TRPM3: variants seen among roughly 807,000 people sequenced by gnomAD.
TRPM3 encodes the protein long transient receptor potential channel 3.
A neutral mutation model predicts 181.2 loss-of-function variants in TRPM3; 77 were observed. The ratio of observed to expected loss-of-function variants is 0.42; its 90% confidence interval spans 0.35 to 0.51. The LOEUF (loss-of-function observed/expected upper bound fraction) is 0.51. Among genes scored for constraint, TRPM3 ranks in the 20% least tolerant of loss-of-function variants. The pLI is 0.01. For synonymous variants in TRPM3, 745 were observed against 796.4 expected, an observed-to-expected ratio of 0.94 and a Z score of 1.09; for missense variants, 1,759 against 2,196.7, an observed-to-expected ratio of 0.80 and a Z score of 3.98.
intron 1 of TRPM3, among the ~76,000 whole-genome samples, chr9:71,356,996 T>A (rs994939885): frequency 1.3e-5 from 2 of 152,162 alleles, no homozygotes; most frequent in Non-Finnish European, 2.9e-5. Context: ...TCATGTAACA[T>A]GGCTCCTGTC....
intron 21 of TRPM3, among the ~76,000 whole-genome samples, chr9:70,595,619 C>G (rs931358300): frequency 1.3e-5 from 2 of 152,158 alleles, no homozygotes; most frequent in African/African-American, 4.8e-5. Flanking sequence ...TTGAGAATCT[C>G]ATGAAAGCTT....
chr9:70,965,368 C>A (rs183714324), intron 1 of TRPM3, among the ~76,000 whole-genome samples: 12 of 152,060 alleles, frequency 7.9e-5, no homozygotes, highest in African/African-American at 1.9e-4. Flanking sequence ...TTTATCCCCC[C>A]CTTTTTGAAC....
chr9:71,071,028 G>C lies in TRPM3; in HGVS notation c.177+50150C>G, dbSNP rs543708513. Among the ~76,000 whole-genome samples, 12 of 152,304 alleles carry C rather than the reference G, an allele frequency of 7.9e-5. 1 individual carries two copies. The South Asian group carries it at 1.2e-3, about 16-fold the overall frequency. ...ATCATAGAGGGCATGGGAGCCTGGT[G>C]ACCTTCAATCTAGTGGACAGCAAGG... On this transcript the variant is annotated intron_variant, in intron 1 of 25. Coordinates refer to ENST00000677713, the MANE Select transcript of TRPM3 (RefSeq NM_001366145.2).
At chr9:71,232,067 T>G (rs1015422137) in intron 1 of TRPM3, among the ~76,000 whole-genome samples, 142 of 152,318 alleles carry the variant, frequency 9.3e-4, no homozygotes, top group African/African-American at 3.2e-3. Flanking sequence ...TGCCTTCTAG[T>G]TATAAACTAC....
chr9:70,558,214 A>G (rs1034048902), intron 22 of TRPM3, among the ~76,000 whole-genome samples: 2 of 152,234 alleles, frequency 1.3e-5, no homozygotes, highest in East Asian at 3.9e-4. Context: ...CACAGAGAAC[A>G]GAAACTGATT....
At chr9:70,909,233 A>C (rs916324731) in intron 1 of TRPM3, among the ~76,000 whole-genome samples, 11 of 152,222 alleles carry the variant, frequency 7.2e-5, no homozygotes, top group Non-Finnish European at 1.6e-4. Context: ...GAGTATCCTG[A>C]GGGCAGGGAA....
intron 1 of TRPM3, among the ~76,000 whole-genome samples, chr9:71,428,372 A>G (rs2093904505): frequency 6.6e-6 from 1 of 151,580 alleles, no homozygotes; most frequent in South Asian, 2.1e-4. Context: ...CTGGGATTAC[A>G]GGCGTGAGCC....
chr9:71,403,906 G>T (rs1212722983), intron 1 of TRPM3, among the ~76,000 whole-genome samples: 3 of 152,066 alleles, frequency 2.0e-5, no homozygotes, highest in African/African-American at 7.3e-5. Context: ...CAGAGGATGT[G>T]GACAAGTTGG....
In TRPM3 at chr9:71,420,763, GAGAA is replaced by G. The variant is rs1304515030; in HGVS notation, c.183+25886_183+25889del. ...AGAGAGAGAAAGAGAGAGAAAGAGA[GAGAA>G]AGAGAGAGAAAGAGAGAGAAAGAGA... On this transcript the variant is annotated intron_variant, in intron 1 of 24. Transcript: ENST00000357533. Among the ~76,000 whole-genome samples, 101 of 109,300 alleles carry G rather than the reference GAGAA, an allele frequency of 9.2e-4. 4 individuals are homozygous for G. Among genetic ancestry groups the G allele is most frequent in the Middle Eastern group, 5.2e-3 (1 of 192 alleles). The allele number at this position is 109,300 out of a possible 152,430, so 71.7% of individuals were successfully genotyped here. A position where few individuals can be genotyped will look rare whatever the true frequency, so the allele number is the denominator to read the frequency against.
At chr9:71,164,077 C>T (rs1466253034) in intron 1 of TRPM3, among the ~76,000 whole-genome samples, 2 of 152,078 alleles carry the variant, frequency 1.3e-5, no homozygotes, top group African/African-American at 4.8e-5. Context: ...GCAGGGGCAC[C>T]TCCTGGCATC....
chr9:70,846,894 T>C (rs2094980773), intron 3 of TRPM3, among the ~76,000 whole-genome samples: 1 of 152,206 alleles, frequency 6.6e-6, no homozygotes, highest in Non-Finnish European at 1.5e-5. Context: ...ATTTTTATAT[T>C]TCACCACCCT....
At chr9:71,095,110 C>T (rs1024334636) in intron 1 of TRPM3, among the ~76,000 whole-genome samples, 24 of 152,120 alleles carry the variant, frequency 1.6e-4, no homozygotes, top group Non-Finnish European at 3.2e-4. Flanking sequence ...GAAATGCCTT[C>T]GTTTTTAACT....
chr9:71,211,918 T>G (rs929275321), intron 1 of TRPM3, among the ~76,000 whole-genome samples: 1 of 152,168 alleles, frequency 6.6e-6, no homozygotes, highest in Non-Finnish European at 1.5e-5. Flanking sequence ...TAACATCCTT[T>G]ATACAGTATA....
chr9:70,574,845 C>T (rs2053480247), intron 22 of TRPM3, among the ~76,000 whole-genome samples: 1 of 151,990 alleles, frequency 6.6e-6, no homozygotes, highest in African/African-American at 2.4e-5. Context: ...TACCTTGGTT[C>T]TGTTTTGCTG....
chr9:71,283,472 A>AT (rs532661760), intron 1 of TRPM3, among the ~76,000 whole-genome samples: 408 of 145,568 alleles, frequency 2.8e-3, no homozygotes, highest in African/African-American at 9.0e-3. Context: ...GATTTTTTGC[A>AT]TTTTTTTTTT....
chr9:71,263,662 T>C (rs2083206758), intron 1 of TRPM3, among the ~76,000 whole-genome samples: 1 of 152,246 alleles, frequency 6.6e-6, no homozygotes, highest in Non-Finnish European at 1.5e-5. Context: ...GTGTTGATTC[T>C]GGCACAATCA....
intron 1 of TRPM3, among the ~76,000 whole-genome samples, chr9:71,308,159 C>A (rs2087554665): frequency 6.6e-6 from 1 of 151,700 alleles, no homozygotes; most frequent in Admixed American, 6.6e-5. Context: ...TGGTGGTGAG[C>A]CACCACACCT....
upstream of TRPM3, among the ~76,000 whole-genome samples, chr9:71,125,759 A>G (rs1035634952): frequency 1.3e-5 from 2 of 152,238 alleles, no homozygotes; most frequent in Admixed American, 6.5e-5. Context: ...ACCCAAAACT[A>G]TAACAACCCT....
intron 21 of TRPM3, among the ~76,000 whole-genome samples, chr9:70,594,237 T>C (rs1168028900): frequency 6.6e-6 from 1 of 152,018 alleles, no homozygotes; most frequent in Non-Finnish European, 1.5e-5. Context: ...TTTATAAAGA[T>C]TCAATGAGAT....
Sources: gnomAD v4.1 joint callset for allele counts (sites outside exome capture counted in the v4.1 genomes callset) on GRCh38, gnomAD v4.1.1 for gene constraint, MANE v1.5 for transcripts, NCBI Gene and HGNC (gene_info 2026-07-23, HGNC 2026-07-21) for gene names.